UBE2E2: variants seen among roughly 807,000 people sequenced by gnomAD.
UBE2E2 encodes ubiquitin-conjugating enzyme E2 E2.
A neutral mutation model predicts 24.7 loss-of-function variants in UBE2E2; 6 were observed. The ratio of observed to expected loss-of-function variants is 0.24; its 90% CI spans 0.13 to 0.48. The LOEUF (loss-of-function observed/expected upper bound fraction) is 0.48. Ranked by LOEUF, UBE2E2 falls within the 20% of genes least tolerant of loss-of-function variation. UBE2E2 has a pLI of 0.99. For synonymous variants in UBE2E2, 104 were observed against 83.6 expected (o/e 1.24, Z -1.33); for missense variants, 169 against 245.0 (o/e 0.69, Z 2.07).
At chr3:23,397,188 A>G (rs1325850596) in intron 3 of UBE2E2, among the ~76,000 whole-genome samples, 2 of 152,190 alleles carry the variant, frequency 1.3e-5, no homozygotes, top group Admixed American at 6.5e-5. Flanking sequence ...AGCACTTACT[A>G]AGCATTTAAA....
intron 3 of UBE2E2, among the ~76,000 whole-genome samples, chr3:23,367,930 T>C (rs893464284): frequency 6.6e-6 from 1 of 152,200 alleles, no homozygotes; most frequent in African/African-American, 2.4e-5. Flanking sequence ...TTCACACATT[T>C]GCTCACAGAA....
chr3:23,528,765 A>G (rs1259446142), intron 4 of UBE2E2, among the ~76,000 whole-genome samples: 1 of 152,166 alleles, frequency 6.6e-6, no homozygotes, highest in East Asian at 1.9e-4. Context: ...CAGAGTGAGC[A>G]ATCACTGGGG....
intron 3 of UBE2E2, among the ~76,000 whole-genome samples, chr3:23,229,005 A>G (rs1696901123): frequency 6.6e-6 from 1 of 152,110 alleles, no homozygotes; most frequent in Non-Finnish European, 1.5e-5. Context: ...TGAATCCAGC[A>G]TCCCCCTCCC....
intron 5 of UBE2E2, among the ~76,000 whole-genome samples, chr3:23,572,855 A>G (rs1402489401): frequency 6.6e-6 from 1 of 152,156 alleles, no homozygotes; most frequent in East Asian, 1.9e-4. Context: ...TACAAGTGCA[A>G]GTGTCTTTTT....
chr3:23,244,144 AAAG>A (rs1697326633), intron 3 of UBE2E2, among the ~76,000 whole-genome samples: 1 of 151,764 alleles, frequency 6.6e-6, no homozygotes, highest in Non-Finnish European at 1.5e-5. Flanking sequence ...GGAAAAAAAA[AAAG>A]AATCAACTAT....
intron 3 of UBE2E2, among the ~76,000 whole-genome samples, chr3:23,401,399 A>C (rs1010908643): frequency 6.6e-6 from 1 of 152,204 alleles, no homozygotes; most frequent in Non-Finnish European, 1.5e-5. Context: ...TAATTCTCAC[A>C]TTTGCTTAGG....
At chr3:23,371,753 G>A in intron 3 of UBE2E2, among the ~76,000 whole-genome samples, 1 of 152,120 alleles carries the variant, frequency 6.6e-6, no homozygotes, top group East Asian at 1.9e-4. Context: ...GGCAGGAAGG[G>A]AATGTCTTTG....
chr3:23,354,385 A>T (rs1488078058), intron 3 of UBE2E2, among the ~76,000 whole-genome samples: 1 of 152,212 alleles, frequency 6.6e-6, no homozygotes, highest in African/African-American at 2.4e-5. Context: ...AAATTGACAA[A>T]TGGGATCTAA....
intron 3 of UBE2E2, among the ~76,000 whole-genome samples, chr3:23,293,518 C>G (rs576050437): frequency 6.6e-6 from 1 of 152,034 alleles, no homozygotes; most frequent in East Asian, 1.9e-4. Flanking sequence ...TACGGTCTTA[C>G]GTTAAAAAAA....
intron 3 of UBE2E2, among the ~76,000 whole-genome samples, chr3:23,416,665 C>G (rs2125386762): frequency 6.6e-6 from 1 of 152,268 alleles, no homozygotes; most frequent in East Asian, 1.9e-4. Flanking sequence ...GTTCCATTCT[C>G]CCCGTCACTT....
In UBE2E2 at chr3:23,531,377, A is replaced by G. The variant is rs1323128849; in HGVS notation, c.361-1177A>G. On this transcript the variant is annotated intron_variant, in intron 4 of 5. Coordinates refer to ENST00000396703, the MANE Select transcript of UBE2E2 (RefSeq NM_152653.4). ...ACATTTATGAACATAATATTAATCA[A>G]TAATATTCACATCTTATTGCCGTTT... Among the ~76,000 whole-genome samples the G allele has an allele frequency of 6.6e-5, 10 of 152,292 alleles. No individual in the cohort carries two copies. In the East Asian group the frequency reaches 1.9e-3, roughly 29 times the overall value.
intron 3 of UBE2E2, among the ~76,000 whole-genome samples, chr3:23,344,164 CAT>C (rs1488286313): frequency 6.6e-6 from 1 of 151,978 alleles, no homozygotes; most frequent in Admixed American, 6.6e-5. Context: ...GATGTCTAAT[CAT>C]GTTATTGATT....
At chr3:23,253,019 A>G (rs1230229483) in intron 3 of UBE2E2, among the ~76,000 whole-genome samples, 3 of 152,202 alleles carry the variant, frequency 2.0e-5, no homozygotes, top group Non-Finnish European at 4.4e-5. Flanking sequence ...AATGCTTAGC[A>G]TGTGAAAGAT....
At chr3:23,568,836 A>G (rs917428830) in intron 5 of UBE2E2, among the ~76,000 whole-genome samples, 2 of 151,698 alleles carry the variant, frequency 1.3e-5, no homozygotes, top group East Asian at 3.9e-4. Context: ...GTATCCACAG[A>G]TAATAACAAG....
intron 3 of UBE2E2, among the ~76,000 whole-genome samples, chr3:23,406,467 G>A (rs1379020288): frequency 1.3e-5 from 2 of 152,138 alleles, no homozygotes; most frequent in African/African-American, 4.8e-5. Context: ...GGAAAAATGA[G>A]AAAACAGATT....
At chr3:23,535,486 C>T (rs143161471) in intron 5 of UBE2E2, among the ~76,000 whole-genome samples, 1 of 152,226 alleles carries the variant, frequency 6.6e-6, no homozygotes, top group African/African-American at 2.4e-5. Flanking sequence ...GATGTCCAAA[C>T]GTTATCAGCC....
intron 4 of UBE2E2, among the ~76,000 whole-genome samples, chr3:23,509,744 C>T: frequency 9.0e-6 from 1 of 111,170 alleles, no homozygotes; most frequent in Non-Finnish European, 1.7e-5. Context: ...CACCCCACAA[C>T]AGGCCCCGGT....
At chr3:23,419,409 A>G (rs1284193416) in intron 3 of UBE2E2, among the ~76,000 whole-genome samples, 1 of 152,212 alleles carries the variant, frequency 6.6e-6, no homozygotes, top group Non-Finnish European at 1.5e-5. Flanking sequence ...CTACCTATAC[A>G]GTGATGAGTT....
At chr3:23,336,799 A>G (rs1179945198) in intron 3 of UBE2E2, among the ~76,000 whole-genome samples, 5 of 152,172 alleles carry the variant, frequency 3.3e-5, no homozygotes, top group African/African-American at 9.7e-5. Context: ...CCATAAGCTC[A>G]TTATGTTAAT....
Sources: allele counts gnomAD v4.1 joint callset (sites outside exome capture counted in the v4.1 genomes callset), GRCh38; gene constraint gnomAD v4.1.1; transcripts MANE v1.5; gene names NCBI Gene and HGNC (gene_info 2026-07-23, HGNC 2026-07-21).